The following MSI2 variants were observed in gnomAD, a reference collection of about 807,000 sequenced individuals.
The protein encoded by MSI2 is musashi RNA binding protein 2.
MSI2 carries 17 observed loss-of-function variants against 45.6 expected under a neutral mutation model. That is an observed-to-expected ratio of 0.37 (90% CI 0.26 to 0.56). MSI2 has a LOEUF of 0.56. Ranked by LOEUF, MSI2 falls within the 20% of genes least tolerant of loss-of-function variation. MSI2 has a pLI of 0.77. For missense variants in MSI2, 293 were observed against 444.2 expected, an observed-to-expected ratio of 0.66 and a Z score of 3.06; for synonymous variants, 156 against 158.2, an observed-to-expected ratio of 0.99 and a Z score of 0.11.
chr17:57,568,676 T>A (rs1356212808), intron 7 of MSI2, among the ~76,000 whole-genome samples: 7 of 152,256 alleles, frequency 4.6e-5, no homozygotes, highest in African/African-American at 1.7e-4. Context: ...CCCGGTTTAC[T>A]GCAAATGAGT....
At chr17:57,694,387 C>T in the MSI2 span, among the ~76,000 whole-genome samples, 1 of 152,158 alleles carries the variant, frequency 6.6e-6, no homozygotes, top group Non-Finnish European at 1.5e-5. Context: ...TCCTTGTGTG[C>T]TTGTGCCTTA....
chr17:57,334,090 A>C (rs1914500431), intron 5 of MSI2, among the ~76,000 whole-genome samples: 1 of 152,150 alleles, frequency 6.6e-6, no homozygotes, highest in Admixed American at 6.5e-5. Flanking sequence ...ACCGGGGGCC[A>C]TTCAGTAGAC....
chr17:57,678,646 A>G (rs1172459742), intron 13 of MSI2, among the ~76,000 whole-genome samples: 1 of 150,950 alleles, frequency 6.6e-6, no homozygotes, highest in African/African-American at 2.4e-5. Context: ...TATAACCCCA[A>G]GGCCACTAAA....
intron 6 of MSI2, among the ~76,000 whole-genome samples, chr17:57,502,528 T>G (rs895759216): frequency 3.4e-5 from 5 of 149,004 alleles, no homozygotes; most frequent in African/African-American, 1.2e-4. Flanking sequence ...AGTAATTGTG[T>G]AATAAGAATT....
At chr17:57,697,278 C>T in the MSI2 span, among the ~76,000 whole-genome samples, 1 of 151,856 alleles carries the variant, frequency 6.6e-6, no homozygotes, top group Non-Finnish European at 1.5e-5. Context: ...GACTCACACC[C>T]CTCACACACT....
chr17:57,592,045 A>C (rs1017314299), intron 7 of MSI2, among the ~76,000 whole-genome samples: 7 of 151,120 alleles, frequency 4.6e-5, no homozygotes, highest in Admixed American at 4.6e-4. Flanking sequence ...GGTGGCGTGT[A>C]CCTGTAGTCC....
chr17:57,267,173 C>T (rs796537166), intron 5 of MSI2: 11 of 152,454 alleles, frequency 7.2e-5, no homozygotes, highest in African/African-American at 2.6e-4. Context: ...ACTGGCCTGC[C>T]AGTGGGTTTT....
At chr17:57,612,171 C>A (rs1284909542) in intron 8 of MSI2, among the ~76,000 whole-genome samples, 1 of 95,362 alleles carries the variant, frequency 1.0e-5, no homozygotes, top group African/African-American at 3.3e-5. Context: ...CTAACAAGTG[C>A]AGAAGCAGCG....
At chr17:57,524,646 G>T (rs1205993277) in intron 6 of MSI2, among the ~76,000 whole-genome samples, 4 of 152,226 alleles carry the variant, frequency 2.6e-5, no homozygotes, top group Non-Finnish European at 5.9e-5. Context: ...GGGCAAGTTG[G>T]TTGCCACTAA....
chr17:57,491,267 C>T (rs1013974772), intron 6 of MSI2, among the ~76,000 whole-genome samples: 3 of 152,160 alleles, frequency 2.0e-5, no homozygotes, highest in Admixed American at 6.5e-5. Context: ...GCACAAAGCC[C>T]GGCAGAGGCA....
intron 5 of MSI2, among the ~76,000 whole-genome samples, chr17:57,392,186 T>TC (rs369632242): frequency 1.8e-4 from 28 of 152,272 alleles, no homozygotes; most frequent in African/African-American, 5.5e-4. Context: ...GTCGGTTACC[T>TC]CCCCCAGCCC....
chr17:57,581,521 T>C (rs1205947012), intron 7 of MSI2, among the ~76,000 whole-genome samples: 4 of 152,180 alleles, frequency 2.6e-5, no homozygotes, highest in Admixed American at 2.6e-4. Context: ...AACCCTTCCA[T>C]GTAGGTTCTT....
At chr17:57,546,417 G>A (rs561014180) in intron 7 of MSI2, among the ~76,000 whole-genome samples, 24 of 152,284 alleles carry the variant, frequency 1.6e-4, no homozygotes, top group Non-Finnish European at 2.6e-4. Flanking sequence ...TAATAAAAAC[G>A]AACAAATGAT....
At position 57,365,943 on chromosome 17, in the gene MSI2, C is replaced by T. The variant is rs35495004; in HGVS notation, c.313-35436C>T. On this transcript the variant is annotated intron_variant, in intron 5 of 13. Coordinates refer to ENST00000284073, the MANE Select transcript of MSI2 (RefSeq NM_138962.4). The stretch of plus-strand genomic sequence containing the variant: ...GACTATTTTTTTTGAGACAGAGTCT[C>T]GCTCTGTCACCCAGGCTGGATGCAG... Among the ~76,000 whole-genome samples the T allele has an allele frequency of 5.5e-3, 835 of 152,168 alleles. 6 individuals carry two copies. The highest frequency in any genetic ancestry group is 0.014 in the Middle Eastern group (4 of 294).
intron 11 of MSI2, among the ~76,000 whole-genome samples, chr17:57,674,241 A>G (rs1479432029): frequency 2.2e-5 from 2 of 91,982 alleles, no homozygotes; most frequent in Non-Finnish European, 4.3e-5. Context: ...TATGAATGGG[A>G]AGGGCGGGAA....
intron 6 of MSI2, among the ~76,000 whole-genome samples, chr17:57,495,620 C>T (rs1489198127): frequency 1.3e-5 from 2 of 151,566 alleles, no homozygotes; most frequent in Admixed American, 1.3e-4. Context: ...TATCAGTCTC[C>T]ATGTCCAATT....
Position 57,336,353 on chromosome 17 carries a change from G to A in MSI2, c.313-65026G>A, listed in dbSNP as rs190226653. Among the ~76,000 whole-genome samples the A allele has an allele frequency of 5.3e-5, 8 of 152,348 alleles. No homozygotes were observed. In the East Asian group the frequency reaches 5.8e-4, roughly 11 times the overall value. On this transcript the variant is annotated intron_variant, in intron 5 of 13. Transcript: ENST00000284073. ...AATAGCTTTGGAGGTGAAAGTCAGC[G>A]TTTGGAAACCTTTCCACATTCCCAG...
At chr17:57,659,140 G>A (rs1911814605) in intron 11 of MSI2, among the ~76,000 whole-genome samples, 1 of 152,106 alleles carries the variant, frequency 6.6e-6, no homozygotes, top group African/African-American at 2.4e-5. Flanking sequence ...ATGAAGTGCA[G>A]TCTTGAACTC....
At chr17:57,535,997 T>C (rs2086912325) in intron 7 of MSI2, among the ~76,000 whole-genome samples, 4 of 152,176 alleles carry the variant, frequency 2.6e-5, no homozygotes, top group South Asian at 2.1e-4. Context: ...ACTTTTGAAA[T>C]TGACCTCTGA....
Sources: gnomAD v4.1 joint callset for allele counts (sites outside exome capture counted in the v4.1 genomes callset) on GRCh38, gnomAD v4.1.1 for gene constraint, MANE v1.5 for transcripts, NCBI Gene and HGNC (gene_info 2026-07-23, HGNC 2026-07-21) for gene names.